The following TMEM114 variants were observed in gnomAD, a reference collection of about 807,000 sequenced individuals.
The protein encoded by TMEM114 is claudin-26.
TMEM114 carries 6 observed loss-of-function variants against 6.2 expected under a neutral mutation model. That is an observed-to-expected ratio of 0.97 (90% CI 0.53 to 1.91). The LOEUF (loss-of-function observed/expected upper bound fraction) is 1.91, where lower values mean the gene tolerates loss of function less well. Among genes scored for constraint, TMEM114 ranks in the 40% most tolerant of loss-of-function variants. The probability of loss-of-function intolerance (pLI) is 0.01; values close to 1 mark genes in which losing one functional copy is unlikely to be tolerated. For synonymous variants in TMEM114, 104 were observed against 73.0 expected (o/e 1.42, Z -2.16); for missense variants, 218 against 158.3 (o/e 1.38, Z -2.02).
intron 3 of TMEM114, among the ~76,000 whole-genome samples, chr16:8,571,016 T>C (rs1008817760): frequency 6.6e-6 from 1 of 152,150 alleles, no homozygotes; most frequent in African/African-American, 2.4e-5. Flanking sequence ...ATAATAATAG[T>C]GAGTGGTTAG....
At chr16:8,539,104 T>C (rs1900444475) in intron 2 of TMEM114, among the ~76,000 whole-genome samples, 1 of 152,172 alleles carries the variant, frequency 6.6e-6, no homozygotes. Context: ...ACTTCCACTT[T>C]TTTCAGTTTG....
At chr16:8,534,774 T>C (rs1454010692), downstream of TMEM114, among the ~76,000 whole-genome samples, 1 of 152,228 alleles carries the variant, frequency 6.6e-6, no homozygotes, top group Non-Finnish European at 1.5e-5. Flanking sequence ...GCAACTATCA[T>C]CAGAGTTATC....
intron 2 of TMEM114, among the ~76,000 whole-genome samples, chr16:8,559,872 C>A (rs1256238231): frequency 4.6e-5 from 7 of 152,262 alleles, no homozygotes; most frequent in Admixed American, 3.9e-4. Flanking sequence ...GCTCTTTAGA[C>A]CCCAAAGGTG....
intron 2 of TMEM114, among the ~76,000 whole-genome samples, chr16:8,542,858 G>A (rs1900555543): frequency 6.6e-6 from 1 of 152,124 alleles, no homozygotes; most frequent in East Asian, 1.9e-4. Context: ...TTTAGCAAAC[G>A]TAGTCTTCTT....
chr16:8,572,348 C>T (rs917232967), intron 2 of TMEM114, 124 bp from the exon 3 acceptor site: 23 of 1,005,262 alleles, frequency 2.3e-5, no homozygotes, highest in South Asian at 1.9e-4. Context: ...GCCCCTACGA[C>T]GATTACTTCT....
chr16:8,539,820 A>C (rs1224746199), intron 2 of TMEM114, among the ~76,000 whole-genome samples: 1 of 152,070 alleles, frequency 6.6e-6, no homozygotes, highest in Non-Finnish European at 1.5e-5. Context: ...CTATTTTTTT[A>C]ATTATTTTAT....
At chr16:8,578,555 G>T (rs774464058) in intron 2 of TMEM114, among the ~76,000 whole-genome samples, 6 of 152,186 alleles carry the variant, frequency 3.9e-5, no homozygotes, top group Non-Finnish European at 8.8e-5. Flanking sequence ...CACATTCGCA[G>T]GTACTGGGGC....
downstream of TMEM114, among the ~76,000 whole-genome samples, chr16:8,569,336 C>T (rs1268877179): frequency 6.6e-6 from 1 of 152,072 alleles, no homozygotes; most frequent in Non-Finnish European, 1.5e-5. Flanking sequence ...AAAGGAACTC[C>T]AGGCCAGAGC....
At chr16:8,555,346 C>T (rs556573706) in intron 2 of TMEM114, among the ~76,000 whole-genome samples, 1 of 152,336 alleles carries the variant, frequency 6.6e-6, no homozygotes, top group Admixed American at 6.5e-5. Flanking sequence ...AGGGCTACCC[C>T]ACAGGCAATG....
chr16:8,543,199 C>G (rs1317056480), intron 2 of TMEM114, among the ~76,000 whole-genome samples: 1 of 152,162 alleles, frequency 6.6e-6, no homozygotes, highest in Non-Finnish European at 1.5e-5. Flanking sequence ...AAGCTGGGCC[C>G]CAATGGGGGA....
At chr16:8,584,940 A>AAAAAAAAAAAAAAAAAAAAG (rs1409319481) in intron 2 of TMEM114, among the ~76,000 whole-genome samples, 1 of 146,758 alleles carries the variant, frequency 6.8e-6, no homozygotes, top group Non-Finnish European at 1.5e-5. Flanking sequence ...AAAAAAAAAA[A>AAAAAAAAAAAAAAAAAAAAG]AAGAAGAAGA....
At chr16:8,558,551 C>T (rs1319324708) in intron 2 of TMEM114, among the ~76,000 whole-genome samples, 4 of 152,192 alleles carry the variant, frequency 2.6e-5, no homozygotes, top group Non-Finnish European at 5.9e-5. Flanking sequence ...GACCGCTTTT[C>T]CTAAGTAAGG....
chr16:8,566,683 T>C (rs1362030583), downstream of TMEM114, among the ~76,000 whole-genome samples: 1 of 152,166 alleles, frequency 6.6e-6, no homozygotes, highest in East Asian at 1.9e-4. Context: ...CCTATTTCTC[T>C]CCATCAACCC....
intron 2 of TMEM114, among the ~76,000 whole-genome samples, chr16:8,573,304 C>G (rs758468336): frequency 6.6e-6 from 1 of 152,186 alleles, no homozygotes; most frequent in African/African-American, 2.4e-5. Flanking sequence ...ACCTGGAGAA[C>G]AGTCCCTGCA....
intron 2 of TMEM114, among the ~76,000 whole-genome samples, chr16:8,551,549 A>G (rs950092231): frequency 6.6e-6 from 1 of 152,260 alleles, no homozygotes; most frequent in African/African-American, 2.4e-5. Context: ...CCTGTGGCCA[A>G]AGCAAAGAGA....
the TMEM114 span, among the ~76,000 whole-genome samples, chr16:8,531,000 A>G: frequency 6.6e-6 from 1 of 152,096 alleles, no homozygotes; most frequent in Non-Finnish European, 1.5e-5. Flanking sequence ...CTGCAGTCCA[A>G]GCAGCAGAGT....
intron 2 of TMEM114, among the ~76,000 whole-genome samples, chr16:8,582,289 A>G (rs959456540): frequency 6.6e-6 from 1 of 151,518 alleles, no homozygotes; most frequent in Non-Finnish European, 1.5e-5. Flanking sequence ...GAGGTAAGAC[A>G]TAGAAAAAAA....
downstream of TMEM114, among the ~76,000 whole-genome samples, chr16:8,536,860 A>G (rs1596463488): frequency 3.3e-5 from 5 of 152,260 alleles, no homozygotes; most frequent in South Asian, 1.0e-3. Context: ...TTGTTTCAAA[A>G]TAAAGATAAT....
At chr16:8,561,484 C>T (rs1029560762) in intron 2 of TMEM114, among the ~76,000 whole-genome samples, 1 of 152,238 alleles carries the variant, frequency 6.6e-6, no homozygotes, top group Admixed American at 6.5e-5. Flanking sequence ...CCCAGAATGT[C>T]AGCTTCAAAA....
Sources: gnomAD v4.1 joint callset for allele counts (sites outside exome capture counted in the v4.1 genomes callset) on GRCh38, gnomAD v4.1.1 for gene constraint, MANE v1.5 for transcripts, NCBI Gene and HGNC (gene_info 2026-07-23, HGNC 2026-07-21) for gene names.